Variants in TACR1 observed in about 807,000 individuals in gnomAD.
TACR1 encodes tachykinin receptor 1.
Under a neutral mutation model 35.8 loss-of-function variants are expected in TACR1, and 25 were observed. That is an observed-to-expected ratio of 0.70 (90% CI 0.51 to 0.98). TACR1 has a LOEUF of 0.98. Among genes scored for constraint, TACR1 ranks in the 50% least tolerant of loss-of-function variants. The pLI, the probability that TACR1 is intolerant of heterozygous loss-of-function variation, is 0.00. For missense variants in TACR1, 478 were observed against 522.9 expected (o/e 0.91, Z 0.84); for synonymous variants, 195 against 206.7 (o/e 0.94, Z 0.48).
chr2:75,115,044 T>C (rs73935538), intron 2 of TACR1, among the ~76,000 whole-genome samples: 5,272 of 151,828 alleles, frequency 0.035, 290 homozygotes, highest in African/African-American at 0.12. Context: ...GAGAAACCAC[T>C]GAAGTAATAA....
intron 1 of TACR1, among the ~76,000 whole-genome samples, chr2:75,184,571 GA>G (rs1192217773): frequency 2.0e-5 from 3 of 151,472 alleles, no homozygotes; most frequent in African/African-American, 7.3e-5. Flanking sequence ...TGAATTACAG[GA>G]CTTATTAAGA....
At chr2:75,154,784 G>C (rs960346744) in intron 1 of TACR1, among the ~76,000 whole-genome samples, 1 of 151,258 alleles carries the variant, frequency 6.6e-6, no homozygotes, top group Admixed American at 6.6e-5. Flanking sequence ...CCCTGCTGCT[G>C]TTGGAAGAGT....
intron 3 of TACR1, 146 bp downstream of exon 3, chr2:75,053,459 G>T: frequency 8.9e-7 from 1 of 1,118,066 alleles, no homozygotes; most frequent in South Asian, 2.7e-5. Context: ...AGACACTGAA[G>T]AAAGATTCCT....
chr2:75,107,652 A>G (rs1184312709), intron 2 of TACR1, among the ~76,000 whole-genome samples: 1 of 152,056 alleles, frequency 6.6e-6, no homozygotes, highest in Non-Finnish European at 1.5e-5. Context: ...AAATTTAGGT[A>G]GTGGTAGATT....
intron 1 of TACR1, among the ~76,000 whole-genome samples, chr2:75,131,574 C>G (rs570777225): frequency 6.6e-6 from 1 of 152,138 alleles, no homozygotes; most frequent in Admixed American, 6.5e-5. Flanking sequence ...TTAAGAAACC[C>G]ATGGAACAGA....
At chr2:75,138,922 C>G (rs1008015273) in intron 1 of TACR1, among the ~76,000 whole-genome samples, 5 of 152,120 alleles carry the variant, frequency 3.3e-5, no homozygotes, top group Non-Finnish European at 5.9e-5. Context: ...ACTAAACCTA[C>G]AAATACCTGT....
intron 2 of TACR1, among the ~76,000 whole-genome samples, chr2:75,103,632 T>C (rs1673584954): frequency 6.6e-6 from 1 of 152,092 alleles, no homozygotes; most frequent in South Asian, 2.1e-4. Flanking sequence ...GCATAAAAAT[T>C]GCAAAGAATT....
intron 4 of TACR1, chr2:75,050,976 A>G (rs1375433196): frequency 2.2e-6 from 1 of 457,644 alleles, no homozygotes; most frequent in Non-Finnish European, 4.0e-6. Flanking sequence ...TTCCCCCACT[A>G]GCTGCCAGTA....
At chr2:75,131,717 A>G (rs962642810) in intron 1 of TACR1, among the ~76,000 whole-genome samples, 1 of 152,198 alleles carries the variant, frequency 6.6e-6, no homozygotes, top group South Asian at 2.1e-4. Context: ...TAACGGAACT[A>G]ATTTATTTTG....
intron 1 of TACR1, among the ~76,000 whole-genome samples, chr2:75,162,679 TA>T (rs1675039983): frequency 6.6e-6 from 1 of 152,246 alleles, no homozygotes; most frequent in Admixed American, 6.5e-5. Context: ...AATATGATGA[TA>T]TTTTTAGCAA....
chr2:75,137,443 C>T (rs948277730), intron 1 of TACR1, among the ~76,000 whole-genome samples: 5 of 152,120 alleles, frequency 3.3e-5, no homozygotes, highest in South Asian at 4.2e-4. Context: ...ATCCAGCTGT[C>T]GGCAGGGCAT....
At chr2:75,080,083 A>G (rs1258147859) in intron 2 of TACR1, among the ~76,000 whole-genome samples, 2 of 152,236 alleles carry the variant, frequency 1.3e-5, no homozygotes, top group African/African-American at 4.8e-5. Flanking sequence ...TATTACTTAT[A>G]CTTCGAGATA....
intron 1 of TACR1, among the ~76,000 whole-genome samples, chr2:75,163,181 G>T (rs1476347442): frequency 6.6e-6 from 1 of 152,314 alleles, no homozygotes; most frequent in East Asian, 1.9e-4. Flanking sequence ...TCAGCAGATG[G>T]TGGAGAGTCC....
At chr2:75,164,334 A>AC (rs1389596990) in intron 1 of TACR1, among the ~76,000 whole-genome samples, 1 of 151,676 alleles carries the variant, frequency 6.6e-6, no homozygotes, top group African/African-American at 2.4e-5. Context: ...CTTAAAAAAA[A>AC]AAAAAAGAAA....
chr2:75,088,466 G>A (rs1673230431), intron 2 of TACR1, among the ~76,000 whole-genome samples: 1 of 152,212 alleles, frequency 6.6e-6, no homozygotes, highest in Non-Finnish European at 1.5e-5. Flanking sequence ...ATTATATAAA[G>A]TATGTGCTTA....
chr2:75,119,827 T>C (rs1274876636), intron 2 of TACR1, among the ~76,000 whole-genome samples: 2 of 152,184 alleles, frequency 1.3e-5, no homozygotes, highest in African/African-American at 4.8e-5. Context: ...GGGGAATCCT[T>C]ATCTCAAGAT....
intron 2 of TACR1, among the ~76,000 whole-genome samples, chr2:75,111,862 G>A (rs965110051): frequency 6.7e-6 from 1 of 149,940 alleles, no homozygotes; most frequent in African/African-American, 2.4e-5. Context: ...GGGCGAGTAT[G>A]AGAGAGAGAG....
intron 1 of TACR1, among the ~76,000 whole-genome samples, chr2:75,153,811 T>G (rs532186527): frequency 2.0e-5 from 3 of 152,306 alleles, no homozygotes; most frequent in South Asian, 2.1e-4. Context: ...GTGCAAGGAT[T>G]TAATTCCTCA....
rs370337136 is a variant in TACR1 at position 75,114,167 on chromosome 2, C to T, written c.584+6407G>A. Among the ~76,000 whole-genome samples the T allele has an allele frequency of 8.5e-5, 13 of 152,218 alleles. 1 individual carries two copies. The highest frequency in any genetic ancestry group is 2.9e-4 in the African/African-American group (12 of 41,546). On this transcript the variant is annotated intron_variant, in intron 2 of 4. Coordinates refer to ENST00000305249, the MANE Select transcript of TACR1 (RefSeq NM_001058.4). Reference sequence around the variant, plus strand: ...CAAAATATCCAGTTAATTAAATGAACGATTCTGTTTTCTAACATAGCCTCC... The same window carrying T: ...CAAAATATCCAGTTAATTAAATGAATGATTCTGTTTTCTAACATAGCCTCC...
Sources: allele counts gnomAD v4.1 joint callset (sites outside exome capture counted in the v4.1 genomes callset), GRCh38; gene constraint gnomAD v4.1.1; transcripts MANE v1.5; gene names NCBI Gene and HGNC (gene_info 2026-07-23, HGNC 2026-07-21).